ATP6V1A: variants seen among roughly 807,000 people sequenced by gnomAD.
The protein encoded by ATP6V1A is ATPase H+ transporting V1 subunit A.
ATP6V1A carries 18 observed loss-of-function variants against 70.1 expected under a neutral mutation model. The observed-to-expected ratio is 0.26, with a 90% CI of 0.18 to 0.38. The LOEUF is 0.38. ATP6V1A is among the 10% of genes least tolerant of loss of function. The probability of loss-of-function intolerance (pLI) is 1.00; values close to 1 mark genes in which losing one functional copy is unlikely to be tolerated. For synonymous variants in ATP6V1A, 232 were observed against 253.8 expected (o/e 0.91, Z 0.82); for missense variants, 424 against 772.4 (o/e 0.55, Z 5.35).
intron 3 of ATP6V1A, among the ~76,000 whole-genome samples, chr3:113,782,157 C>T (rs866120890): frequency 4.6e-5 from 7 of 152,030 alleles, no homozygotes; most frequent in African/African-American, 9.7e-5. Context: ...AAAACACATG[C>T]GTGCAGATAA....
intron 14 of ATP6V1A, among the ~76,000 whole-genome samples, chr3:113,807,155 C>T (rs1440984340): frequency 2.7e-5 from 4 of 150,026 alleles, no homozygotes; most frequent in Non-Finnish European, 4.4e-5. Context: ...TATACACGGT[C>T]GTTTATTAAA....
intron 5 of ATP6V1A, among the ~76,000 whole-genome samples, chr3:113,785,853 CTTCT>C (rs992078737): frequency 2.0e-5 from 3 of 147,892 alleles, no homozygotes; most frequent in African/African-American, 2.5e-5. Flanking sequence ...GCTTAATATA[CTTCT>C]TTCTTTCTTT....
intron 14 of ATP6V1A, 48 bp from the exon 15 acceptor site, chr3:113,809,287 G>A: frequency 6.7e-7 from 1 of 1,497,862 alleles, no homozygotes; most frequent in South Asian, 1.2e-5. Flanking sequence ...CATACGTAAT[G>A]AAAATTATTT....
intron 1 of ATP6V1A, among the ~76,000 whole-genome samples, chr3:113,777,959 G>A (rs1253807080): frequency 6.6e-6 from 1 of 152,122 alleles, no homozygotes; most frequent in African/African-American, 2.4e-5. Context: ...TTGTTGTGGG[G>A]GTGGATAAGT....
At chr3:113,753,850 C>T (rs1353107687) in intron 1 of ATP6V1A, among the ~76,000 whole-genome samples, 1 of 151,894 alleles carries the variant, frequency 6.6e-6, no homozygotes, top group African/African-American at 2.4e-5. Flanking sequence ...TGTGCACCAC[C>T]ACACCTGGCT....
At chr3:113,801,376 G>C (rs928924186) in intron 12 of ATP6V1A, among the ~76,000 whole-genome samples, 2 of 152,144 alleles carry the variant, frequency 1.3e-5, no homozygotes, top group African/African-American at 4.8e-5. Context: ...AAGACTAATA[G>C]ACCTGTGGAG....
intron 14 of ATP6V1A, 37 bp downstream of exon 14, chr3:113,805,562 A>T (rs375175907): frequency 1.3e-6 from 2 of 1,557,546 alleles, no homozygotes; most frequent in African/African-American, 2.8e-5. Context: ...TTTTATTTGG[A>T]AATGCTTCTT....
At chr3:113,771,804 A>C (rs914359670) in intron 1 of ATP6V1A, among the ~76,000 whole-genome samples, 5 of 152,072 alleles carry the variant, frequency 3.3e-5, no homozygotes, top group African/African-American at 1.2e-4. Flanking sequence ...TTTATAAGGT[A>C]CATATTTTTC....
intron 1 of ATP6V1A, among the ~76,000 whole-genome samples, chr3:113,775,229 C>CTTT (rs200572945): frequency 7.3e-6 from 1 of 137,862 alleles, no homozygotes; most frequent in Non-Finnish European, 1.6e-5. Context: ...TCACAAGGAA[C>CTTT]TTTTTTTTTT....
At chr3:113,775,429 C>A (rs748784821) in intron 1 of ATP6V1A, among the ~76,000 whole-genome samples, 2 of 151,950 alleles carry the variant, frequency 1.3e-5, no homozygotes, top group African/African-American at 2.4e-5. Flanking sequence ...AGGGTTTTGC[C>A]GTGTTGGCTA....
intron 5 of ATP6V1A, among the ~76,000 whole-genome samples, chr3:113,785,813 C>T (rs1460683407): frequency 2.7e-5 from 4 of 150,698 alleles, no homozygotes; most frequent in Non-Finnish European, 5.9e-5. Context: ...GGATTACAGG[C>T]CTTTACTTAT....
In ATP6V1A at chr3:113,784,965, A is replaced by G. The variant is rs1489229931; in HGVS notation, c.564+132A>G. ...TTTTGAGTAACTCCTATAATTTTTG[A>G]AAGTTTTTGTTTGTTTATTTTTAAC... On this transcript the variant is annotated intron_variant, in intron 5 of 14. Transcript: ENST00000273398. 7 of 1,005,464 alleles carry G rather than the reference A, an allele frequency of 7.0e-6. No homozygotes were observed. The East Asian group carries it at 1.1e-4, about 16-fold the overall frequency. 62.3% of individuals were successfully genotyped at this position (1,005,464 alleles called of 1,614,324 possible).
At chr3:113,808,728 T>C (rs1262534631) in intron 14 of ATP6V1A, among the ~76,000 whole-genome samples, 1 of 152,210 alleles carries the variant, frequency 6.6e-6, no homozygotes, top group Non-Finnish European at 1.5e-5. Context: ...GTCATGTTCA[T>C]CTAATATATG....
chr3:113,805,755 G>A (rs1378075627), intron 14 of ATP6V1A, among the ~76,000 whole-genome samples: 1 of 152,090 alleles, frequency 6.6e-6, no homozygotes, highest in African/African-American at 2.4e-5. Flanking sequence ...TTTTTTAGTA[G>A]AGATGGGGTT....
At chr3:113,803,975 C>G (rs142982661) in intron 13 of ATP6V1A, among the ~76,000 whole-genome samples, 8 of 152,090 alleles carry the variant, frequency 5.3e-5, no homozygotes, top group African/African-American at 7.2e-5. Flanking sequence ...TCATTTCTTT[C>G]CACTGCCCAT....
intron 1 of ATP6V1A, among the ~76,000 whole-genome samples, chr3:113,771,628 G>A (rs1011716768): frequency 1.3e-5 from 2 of 151,666 alleles, no homozygotes; most frequent in African/African-American, 2.4e-5. Context: ...CAGTAGACAC[G>A]GGGTTTCATC....
intron 11 of ATP6V1A, among the ~76,000 whole-genome samples, chr3:113,796,289 A>C (rs1209480506): frequency 6.6e-6 from 1 of 152,216 alleles, no homozygotes; most frequent in Admixed American, 6.5e-5. Flanking sequence ...AAGTTATTTC[A>C]CTTCACAGTA....
intron 1 of ATP6V1A, among the ~76,000 whole-genome samples, chr3:113,754,353 C>G (rs549665120): frequency 6.6e-6 from 1 of 152,132 alleles, no homozygotes; most frequent in Non-Finnish European, 1.5e-5. Flanking sequence ...CAAGACCCCC[C>G]TCTACCAGTA....
At chr3:113,791,417 G>A (rs1177244671) in intron 8 of ATP6V1A, among the ~76,000 whole-genome samples, 1 of 146,618 alleles carries the variant, frequency 6.8e-6, no homozygotes, top group Non-Finnish European at 1.5e-5. Flanking sequence ...TTTAACTGTG[G>A]TCACAGTTTT....
Sources: allele counts gnomAD v4.1 joint callset (sites outside exome capture counted in the v4.1 genomes callset), GRCh38; gene constraint gnomAD v4.1.1; transcripts MANE v1.5; gene names NCBI Gene and HGNC (gene_info 2026-07-23, HGNC 2026-07-21).